Variants in DACH2 observed in about 807,000 individuals in gnomAD.
DACH2 encodes dachshund family transcription factor 2.
A neutral mutation model predicts 35.8 loss-of-function variants in DACH2; 17 were observed. The ratio of observed to expected loss-of-function variants is 0.48; its 90% CI spans 0.33 to 0.71. The LOEUF (loss-of-function observed/expected upper bound fraction) is 0.71. Ranked by LOEUF, DACH2 falls within the 30% of genes least tolerant of loss-of-function variation. The pLI is 0.02. For synonymous variants in DACH2, 195 were observed against 177.3 expected (o/e 1.10, Z -0.79); for missense variants, 469 against 472.7 (o/e 0.99, Z 0.07).
intron 7 of DACH2, among the ~76,000 whole-genome samples, chrX:86,797,386 G>A (rs1424533182): frequency 5.4e-5 from 6 of 110,660 alleles, no homozygotes; most frequent in Non-Finnish European, 1.1e-4. Context: ...CCCAGCCTCA[G>A]CATAGACATA....
rs2033783004 is a variant in DACH2, at chrX:86,269,985, CTAAGA to C, written c.489-106832_489-106828del. ...CCCACTCCTCAAAGCAGGAAACAAA[CTAAGA>C]TAAGATTCATGTTTTAATTATATAT... On this transcript the variant is annotated intron_variant, in intron 1 of 11. Transcript: ENST00000373125. Among the ~76,000 whole-genome samples, 3 of 103,034 alleles carry C rather than the reference CTAAGA, an allele frequency of 2.9e-5. No individual in the cohort carries two copies. In the South Asian group the frequency reaches 1.3e-3, roughly 45 times the overall value. The allele number at this position is 103,034 out of a possible 115,157, so 89.5% of individuals were successfully genotyped here.
At chrX:86,800,983 T>C (rs2147336274) in intron 7 of DACH2, among the ~76,000 whole-genome samples, 1 of 111,451 alleles carries the variant, frequency 9.0e-6, no homozygotes, top group Admixed American at 9.6e-5. Flanking sequence ...CAGTTTTTAT[T>C]ATCTTAATGT....
intron 2 of DACH2, among the ~76,000 whole-genome samples, chrX:86,494,002 A>G (rs947447598): frequency 5.4e-5 from 6 of 111,045 alleles, no homozygotes; most frequent in African/African-American, 2.0e-4. Context: ...ATTCTTGGAG[A>G]TCTATTTGGT....
chrX:86,503,309 C>T (rs2038277463), intron 2 of DACH2, among the ~76,000 whole-genome samples: 1 of 111,779 alleles, frequency 8.9e-6, no homozygotes, highest in Non-Finnish European at 1.9e-5. Flanking sequence ...TTTTTCTAAT[C>T]CTGAACTGAA....
intron 2 of DACH2, among the ~76,000 whole-genome samples, chrX:86,405,336 C>A (rs2036509143): frequency 9.0e-6 from 1 of 111,731 alleles, no homozygotes; most frequent in Non-Finnish European, 1.9e-5. Flanking sequence ...TTAGAAATGT[C>A]TTCCTGCATA....
rs1204420396 is a variant in DACH2, at chrX:86,278,991, A to G, written c.489-97833A>G. Among the ~76,000 whole-genome samples, 4 of 112,287 alleles carry G rather than the reference A, an allele frequency of 3.6e-5. No homozygotes were observed. In the East Asian group the frequency reaches 1.1e-3, roughly 32 times the overall value. ...GCTGCTATAGCCAGACTGCCTCTCT[A>G]GATTCCTCCTCTACGGGCAGGGCAT... On this transcript the variant is annotated intron_variant, in intron 1 of 11. Transcript: ENST00000373125.
At chrX:86,491,602 C>T (rs1398700972) in intron 2 of DACH2, among the ~76,000 whole-genome samples, 2 of 111,310 alleles carry the variant, frequency 1.8e-5, no homozygotes, top group East Asian at 5.7e-4. Context: ...TCCTTCCCAC[C>T]CATCACCCTA....
intron 2 of DACH2, among the ~76,000 whole-genome samples, chrX:86,503,642 G>A (rs773600350): frequency 8.9e-6 from 1 of 111,806 alleles, no homozygotes; most frequent in Non-Finnish European, 1.9e-5. Context: ...TCCATGGTGA[G>A]TCAAAAGTAC....
At chrX:86,239,132 T>C (rs2033114811) in intron 1 of DACH2, among the ~76,000 whole-genome samples, 1 of 112,280 alleles carries the variant, frequency 8.9e-6, no homozygotes, top group South Asian at 3.7e-4. Flanking sequence ...TGTAGTATTA[T>C]TTTAGTATTA....
At chrX:86,801,908 G>C (rs1022286976) in intron 7 of DACH2, among the ~76,000 whole-genome samples, 15 of 111,209 alleles carry the variant, frequency 1.3e-4, no homozygotes, top group Non-Finnish European at 1.3e-4. Context: ...TTACAAATTG[G>C]CCCATTATGC....
intron 4 of DACH2, among the ~76,000 whole-genome samples, chrX:86,681,058 A>G (rs575068131): frequency 2.7e-5 from 3 of 110,758 alleles, no homozygotes; most frequent in African/African-American, 9.9e-5. Context: ...GTGTCTGTCT[A>G]TCTATCTATC....
chrX:86,759,852 T>C (rs2041863362), intron 7 of DACH2, among the ~76,000 whole-genome samples: 1 of 111,916 alleles, frequency 8.9e-6, no homozygotes, highest in Non-Finnish European at 1.9e-5. Context: ...ATATTCTTCA[T>C]TCACTTCTGG....
chrX:86,758,458 T>C (rs1264986210), intron 7 of DACH2, among the ~76,000 whole-genome samples: 2 of 112,212 alleles, frequency 1.8e-5, no homozygotes, highest in African/African-American at 6.5e-5. Context: ...TTTTAAAATT[T>C]CCTCCTTAAT....
At chrX:86,254,781 A>ATATATATATATATATGT (rs1556004270) in intron 1 of DACH2, among the ~76,000 whole-genome samples, 2 of 22,585 alleles carry the variant, frequency 8.9e-5, no homozygotes, top group African/African-American at 3.5e-4. Context: ...CAAATAAATA[A>ATATATATATATATATGT]ATATATATAT....
intron 1 of DACH2, among the ~76,000 whole-genome samples, chrX:86,231,566 C>T (rs150160937): frequency 0.027 from 2,999 of 110,932 alleles, 40 homozygotes; most frequent in Non-Finnish European, 0.042. Flanking sequence ...GAAAATCCAC[C>T]GAAGGCCTGG....
chrX:86,303,907 C>A (rs1336930936), intron 1 of DACH2, among the ~76,000 whole-genome samples: 2 of 111,132 alleles, frequency 1.8e-5, no homozygotes, highest in African/African-American at 6.5e-5. Flanking sequence ...TATGGAACCA[C>A]AAAAGACTCA....
At chrX:86,468,819 A>G (rs2037716293) in intron 2 of DACH2, among the ~76,000 whole-genome samples, 1 of 111,640 alleles carries the variant, frequency 9.0e-6, no homozygotes, top group Non-Finnish European at 1.9e-5. Flanking sequence ...AATTAAAAAC[A>G]GAACTACCAT....
intron 1 of DACH2, among the ~76,000 whole-genome samples, chrX:86,303,327 A>C (rs1360451349): frequency 9.1e-6 from 1 of 109,496 alleles, no homozygotes; most frequent in Non-Finnish European, 1.9e-5. Flanking sequence ...GAAAGCAGAC[A>C]TTCTTTTTGC....
rs1049241002 is a variant in DACH2, at chrX:86,810,677, T to C, written c.1241-2179T>C. On this transcript the variant is annotated intron_variant, in intron 7 of 11. Transcript: ENST00000373125. ...TGAAGCATAACACTGTGGTTAATTGTTGAGAAATGTGCCTTAGAAACCTTA... is the reference window on the plus strand; with the variant it reads ...TGAAGCATAACACTGTGGTTAATTGCTGAGAAATGTGCCTTAGAAACCTTA... Among the ~76,000 whole-genome samples the C allele has an allele frequency of 3.6e-5, 4 of 111,604 alleles. No homozygotes were observed. In the Admixed American group the frequency reaches 3.8e-4, roughly 11 times the overall value.
Sources: gnomAD v4.1 joint callset for allele counts (sites outside exome capture counted in the v4.1 genomes callset) on GRCh38, gnomAD v4.1.1 for gene constraint, MANE v1.5 for transcripts, NCBI Gene and HGNC (gene_info 2026-07-23, HGNC 2026-07-21) for gene names.